ATRNL1: variants seen among roughly 807,000 people sequenced by gnomAD.
ATRNL1 encodes the protein attractin like 1, also known as attractin-like protein 1.
A neutral mutation model predicts 182.7 loss-of-function variants in ATRNL1; 95 were observed. The ratio of observed to expected loss-of-function variants is 0.52; its 90% CI spans 0.44 to 0.62. The LOEUF is 0.62. ATRNL1 is among the 20% of genes least tolerant of loss of function. ATRNL1 has a pLI of 0.00. For missense variants in ATRNL1, 1,471 were observed against 1,679.5 expected (o/e 0.88, Z 2.17); for synonymous variants, 576 against 568.3 (o/e 1.01, Z -0.19).
chr10:115,646,629 TC>T (rs1345538684), intron 26 of ATRNL1, among the ~76,000 whole-genome samples: 2 of 140,942 alleles, frequency 1.4e-5, no homozygotes, highest in Admixed American at 6.9e-5. Context: ...TTTCTTTTTT[TC>T]TTTTTTTTTT....
chr10:115,231,459 T>C (rs1849948458), intron 9 of ATRNL1, among the ~76,000 whole-genome samples: 1 of 152,054 alleles, frequency 6.6e-6, no homozygotes, highest in Non-Finnish European at 1.5e-5. Flanking sequence ...AACAACTTTT[T>C]TGAGGAGTTA....
intron 26 of ATRNL1, among the ~76,000 whole-genome samples, chr10:115,559,946 C>A (rs1853595406): frequency 2.0e-5 from 3 of 152,094 alleles, no homozygotes; most frequent in African/African-American, 4.8e-5. Flanking sequence ...AGAAGTAAAG[C>A]TATCTCTATT....
chr10:115,920,182 C>A (rs147816594), intron 28 of ATRNL1, among the ~76,000 whole-genome samples: 296 of 152,262 alleles, frequency 1.9e-3, no homozygotes, highest in African/African-American at 6.9e-3. Context: ...TACTCCATGC[C>A]CATGTTATGT....
chr10:115,446,817 AT>A (rs145392854), intron 21 of ATRNL1, among the ~76,000 whole-genome samples: 1,995 of 151,992 alleles, frequency 0.013, 39 homozygotes, highest in African/African-American at 0.046. Flanking sequence ...TTTATAAACT[AT>A]TTTTATATAA....
chr10:115,860,530 T>TA (rs111291148), intron 28 of ATRNL1, among the ~76,000 whole-genome samples: 42 of 151,140 alleles, frequency 2.8e-4, no homozygotes, highest in Admixed American at 7.9e-4. Flanking sequence ...AATAGATACA[T>TA]AAAAAAAAAT....
At chr10:115,214,689 A>G (rs1317529321) in intron 8 of ATRNL1, among the ~76,000 whole-genome samples, 3 of 152,140 alleles carry the variant, frequency 2.0e-5, no homozygotes, top group Non-Finnish European at 4.4e-5. Flanking sequence ...TTAAAAACAA[A>G]TGACAGATTT....
chr10:115,263,549 T>G (rs1554909395), intron 10 of ATRNL1, among the ~76,000 whole-genome samples: 1 of 151,796 alleles, frequency 6.6e-6, no homozygotes, highest in African/African-American at 2.4e-5. Flanking sequence ...ATTTCTAACA[T>G]AGGGTAATAC....
intron 26 of ATRNL1, among the ~76,000 whole-genome samples, chr10:115,705,133 G>A (rs1247717280): frequency 6.6e-6 from 1 of 151,888 alleles, no homozygotes; most frequent in Admixed American, 6.6e-5. Flanking sequence ...CTCAGTAAAT[G>A]TTAATTGAAC....
At chr10:115,265,702 T>C (rs1851581262) in intron 11 of ATRNL1, among the ~76,000 whole-genome samples, 1 of 151,804 alleles carries the variant, frequency 6.6e-6, no homozygotes, top group Non-Finnish European at 1.5e-5. Context: ...TGTGTGATTT[T>C]TGACAAGTCT....
chr10:115,115,344 A>C (rs557762697), intron 1 of ATRNL1, among the ~76,000 whole-genome samples: 6 of 152,228 alleles, frequency 3.9e-5, no homozygotes, highest in Admixed American at 3.3e-4. Context: ...GAAGTGACTA[A>C]TGTTACTAAT....
intron 18 of ATRNL1, among the ~76,000 whole-genome samples, chr10:115,325,628 C>G (rs1033314302): frequency 6.6e-6 from 1 of 152,112 alleles, no homozygotes; most frequent in Non-Finnish European, 1.5e-5. Context: ...TGAAGGAATA[C>G]CAGTGATATG....
At chr10:115,466,174 A>G (rs1301574336) in intron 22 of ATRNL1, among the ~76,000 whole-genome samples, 2 of 151,390 alleles carry the variant, frequency 1.3e-5, no homozygotes, top group Non-Finnish European at 1.5e-5. Flanking sequence ...AGTTGCTTCC[A>G]TATTTACTTT....
intron 19 of ATRNL1, among the ~76,000 whole-genome samples, chr10:115,335,459 G>T (rs1855436667): frequency 6.6e-6 from 1 of 152,136 alleles, no homozygotes; most frequent in African/African-American, 2.4e-5. Context: ...TCTTGGTTGT[G>T]GTTGTAGGGT....
In ATRNL1 at chr10:115,335,445, AT is replaced by A. The variant is rs202144127; in HGVS notation, c.3175+1028del. On this transcript the variant is annotated intron_variant, in intron 19 of 28. Coordinates refer to ENST00000355044, the MANE Select transcript of ATRNL1 (RefSeq NM_207303.4). Reference sequence around the variant, plus strand: ...GGCCACTTTCTAAAACAATTAAATCATTATCTTGGTTGTGGTTGTAGGGTGA... The same window carrying A: ...GGCCACTTTCTAAAACAATTAAATCATATCTTGGTTGTGGTTGTAGGGTGA... 6.0e-3 allele frequency among the ~76,000 whole-genome samples: 914 copies of A among 152,220 alleles called. 15 individuals carry two copies. The highest frequency in any genetic ancestry group is 0.021 in the African/African-American group (892 of 41,534).
intron 10 of ATRNL1, among the ~76,000 whole-genome samples, chr10:115,256,821 A>G (rs1414890902): frequency 3.3e-5 from 5 of 152,148 alleles, no homozygotes; most frequent in Non-Finnish European, 5.9e-5. Context: ...TGTCCCAGAG[A>G]TTCTGGTATA....
intron 1 of ATRNL1, among the ~76,000 whole-genome samples, chr10:115,112,126 T>C (rs1428008187): frequency 6.6e-6 from 1 of 151,724 alleles, no homozygotes; most frequent in Non-Finnish European, 1.5e-5. Flanking sequence ...TGTAGAAAAC[T>C]AGAAAACATT....
intron 28 of ATRNL1, among the ~76,000 whole-genome samples, chr10:115,895,675 G>A (rs1023051937): frequency 1.3e-5 from 2 of 152,148 alleles, no homozygotes; most frequent in Non-Finnish European, 2.9e-5. Flanking sequence ...ACTCGGACCC[G>A]GTGGTCAAAG....
chr10:115,239,937 C>T (rs1250834269), intron 9 of ATRNL1, among the ~76,000 whole-genome samples: 1 of 152,054 alleles, frequency 6.6e-6, no homozygotes, highest in Non-Finnish European at 1.5e-5. Flanking sequence ...TATCGCTGGC[C>T]TGGAGTGGGA....
chr10:115,653,108 A>C lies in ATRNL1; in HGVS notation c.3796-74140A>C, dbSNP rs141090897. ...AATTGAAAAGACACATTTGGCTGGT[A>C]AGTAAAACCCTTCAGATTTATGACA... On this transcript the variant is annotated intron_variant, in intron 26 of 28. Coordinates refer to ENST00000355044, the MANE Select transcript of ATRNL1 (RefSeq NM_207303.4). Among the ~76,000 whole-genome samples, 841 of 152,324 alleles carry C rather than the reference A, an allele frequency of 5.5e-3. 1 individual carries two copies. The highest frequency in any genetic ancestry group is 9.4e-3 in the Non-Finnish European group (639 of 68,018).
Sources: gnomAD v4.1 joint callset for allele counts (sites outside exome capture counted in the v4.1 genomes callset) on GRCh38, gnomAD v4.1.1 for gene constraint, MANE v1.5 for transcripts, NCBI Gene and HGNC (gene_info 2026-07-23, HGNC 2026-07-21) for gene names.